The following VPS50 variants were observed in gnomAD, a reference collection of about 807,000 sequenced individuals.
VPS50 encodes VPS50 subunit of EARP/GARPII complex.
A neutral mutation model predicts 139.7 loss-of-function variants in VPS50; 70 were observed. The observed-to-expected ratio is 0.50, with a 90% CI of 0.41 to 0.61. VPS50 has a LOEUF of 0.61. Among genes scored for constraint, VPS50 ranks in the 20% least tolerant of loss-of-function variants. The pLI is 0.00. For synonymous variants in VPS50, 365 were observed against 376.7 expected, an observed-to-expected ratio of 0.97 and a Z score of 0.36; for missense variants, 921 against 1,133.7, an observed-to-expected ratio of 0.81 and a Z score of 2.69.
chr7:93,257,495 A>T, intron 6 of VPS50, 31 bp downstream of exon 6: 1 of 1,250,038 alleles, frequency 8.0e-7, no homozygotes, highest in Admixed American at 1.9e-5. Flanking sequence ...TTGTTCTTTA[A>T]GCTGAACAAT....
intron 2 of VPS50, among the ~76,000 whole-genome samples, chr7:93,250,584 A>G (rs1173643093): frequency 6.6e-6 from 1 of 152,178 alleles, no homozygotes; most frequent in Non-Finnish European, 1.5e-5. Context: ...CTAAAACTAT[A>G]AAAACCCTAG....
chr7:93,273,669 G>C (rs1184793364), intron 11 of VPS50, among the ~76,000 whole-genome samples: 2 of 152,034 alleles, frequency 1.3e-5, no homozygotes, highest in African/African-American at 4.8e-5. Context: ...TACGCACATT[G>C]CTTCAGGTGT....
chr7:93,358,566 G>T lies in VPS50; in HGVS notation c.*130G>T. ...TTGTGCATGTTTTTTTGACTGGAAA[G>T]TGGAAAATATTGAAATGTGTGTGGT... On this transcript the variant is annotated 3_prime_UTR_variant, in exon 28 of 28. Coordinates refer to ENST00000305866, the MANE Select transcript of VPS50 (RefSeq NM_017667.4). 2 of 744,642 alleles carry T rather than the reference G, an allele frequency of 2.7e-6. No homozygotes were observed. The highest frequency in any genetic ancestry group is 4.5e-6 in the Non-Finnish European group (2 of 444,828). 46.1% of individuals were successfully genotyped at this position (744,642 alleles called of 1,614,324 possible).
At chr7:93,242,100 A>C (rs1319459732) in intron 2 of VPS50, among the ~76,000 whole-genome samples, 2 of 151,932 alleles carry the variant, frequency 1.3e-5, no homozygotes, top group Admixed American at 6.6e-5. Context: ...AAAATCACAA[A>C]AATCACCAAC....
At chr7:93,233,276 T>C (rs1794693685) in intron 1 of VPS50, among the ~76,000 whole-genome samples, 1 of 152,258 alleles carries the variant, frequency 6.6e-6, no homozygotes, top group African/African-American at 2.4e-5. Flanking sequence ...TTGTTTTAGC[T>C]GCCTTTATTT....
intron 23 of VPS50, among the ~76,000 whole-genome samples, chr7:93,343,189 G>A (rs1160121945): frequency 6.6e-6 from 1 of 152,130 alleles, no homozygotes; most frequent in Non-Finnish European, 1.5e-5. Flanking sequence ...GAAGAATGCA[G>A]AAGCCTCAGG....
chr7:93,348,552 A>C (rs1268730580), intron 23 of VPS50, among the ~76,000 whole-genome samples, 159 bp from the exon 24 acceptor site: 2 of 152,076 alleles, frequency 1.3e-5, no homozygotes, highest in Admixed American at 6.5e-5. Context: ...ATTATAAATG[A>C]ACATGTCAAG....
chr7:93,345,787 CA>C (rs1280554862), intron 23 of VPS50, among the ~76,000 whole-genome samples: 1 of 152,070 alleles, frequency 6.6e-6, no homozygotes, highest in East Asian at 1.9e-4. Flanking sequence ...ACCCTTCATG[CA>C]AAAAACTCTC....
intron 4 of VPS50, among the ~76,000 whole-genome samples, chr7:93,254,192 T>C (rs1210775045): frequency 6.6e-6 from 1 of 152,248 alleles, no homozygotes; most frequent in African/African-American, 2.4e-5. Context: ...AACTTTGAAC[T>C]TTGTTTTAGA....
At chr7:93,248,814 A>G (rs1408031165) in intron 2 of VPS50, among the ~76,000 whole-genome samples, 3 of 152,174 alleles carry the variant, frequency 2.0e-5, no homozygotes, top group African/African-American at 7.2e-5. Context: ...ACAGACTGCT[A>G]GTTCAGTGGG....
rs910501843 is a variant in VPS50 at position 93,360,289 on chromosome 7, T to G, written c.*1853T>G. 6.6e-6 allele frequency: 1 copy of G among 152,094 alleles called. No individual in the cohort carries two copies. Among genetic ancestry groups the G allele is most frequent in the African/African-American group, 2.4e-5 (1 of 41,424 alleles). 9.4% of individuals were successfully genotyped at this position (152,094 alleles called of 1,614,324 possible). ...GGTAATAGGAATTGATACAAAAGAA[T>G]TACTTATCTTGTTAGAGACTCGACC... On this transcript the variant is annotated 3_prime_UTR_variant, in exon 28 of 28. Transcript: ENST00000305866.
At chr7:93,335,513 T>C (rs1798046692) in intron 22 of VPS50, among the ~76,000 whole-genome samples, 1 of 152,196 alleles carries the variant, frequency 6.6e-6, no homozygotes, top group Non-Finnish European at 1.5e-5. Flanking sequence ...TTTTGATATT[T>C]GTTTAATCCT....
intron 22 of VPS50, among the ~76,000 whole-genome samples, chr7:93,339,419 G>A (rs1798153668): frequency 6.6e-6 from 1 of 151,690 alleles, no homozygotes; most frequent in South Asian, 2.1e-4. Flanking sequence ...TAAATTTATA[G>A]GAGTAAATTA....
At chr7:93,313,682 G>C (rs1189105568) in intron 20 of VPS50, among the ~76,000 whole-genome samples, 1 of 152,130 alleles carries the variant, frequency 6.6e-6, no homozygotes, top group African/African-American at 2.4e-5. Context: ...TTTGTATGAG[G>C]ATTACTGATC....
intron 20 of VPS50, among the ~76,000 whole-genome samples, chr7:93,311,813 G>T (rs1057028224): frequency 1.3e-5 from 2 of 151,988 alleles, no homozygotes; most frequent in African/African-American, 4.8e-5. Context: ...AAATATTCAG[G>T]TTTTAGGATG....
chr7:93,305,964 A>G lies in VPS50; in HGVS notation c.1589A>G (p.His530Arg), dbSNP rs1412101408. The change falls in exon 18 of 28, where the codon CAC becomes CGC. Residue 530 changes from histidine to arginine, a missense_variant. Coordinates refer to ENST00000305866, the MANE Select transcript of VPS50 (RefSeq NM_017667.4). The stretch of plus-strand genomic sequence containing the variant: ...AATCCATTTGAAATTCAGGCCAACC[A>G]CAAAGATGAAGAAACAGAAGATGTC... ...GGNPFEIQAN[H>R]KDEETEDVLA... 1.2e-6 allele frequency: 2 copies of G among 1,612,498 alleles called. No homozygotes were observed. The highest frequency in any genetic ancestry group is 2.2e-5 in the South Asian group (2 of 91,030).
At chr7:93,313,373 A>C (rs1472674465) in intron 20 of VPS50, among the ~76,000 whole-genome samples, 1 of 152,216 alleles carries the variant, frequency 6.6e-6, no homozygotes, top group African/African-American at 2.4e-5. Context: ...TACCTTACCT[A>C]GTTCAAAAGG....
At position 93,303,094 on chromosome 7, in the gene VPS50, A is replaced by AT. The variant is rs1473930886; in HGVS notation, c.1362-360dup. ...ATTTATGATCTCATATAATCTGTAA[A>AT]TTTTTTCTTGATGTTTTAGCATCAA... On this transcript the variant is annotated intron_variant, in intron 16 of 27. Transcript: ENST00000305866. Among the ~76,000 whole-genome samples the AT allele has an allele frequency of 1.3e-4, 20 of 151,850 alleles. No homozygotes were observed. The South Asian group carries it at 2.9e-3, about 22-fold the overall frequency.
At chr7:93,253,809 C>A (rs1795406303) in intron 3 of VPS50, 51 bp from the exon 4 acceptor site, 3 of 1,087,142 alleles carry the variant, frequency 2.8e-6, no homozygotes, top group African/African-American at 1.6e-5. Context: ...TAAATGAAAC[C>A]AAATTAAACA....
Sources: allele counts gnomAD v4.1 joint callset (sites outside exome capture counted in the v4.1 genomes callset), GRCh38; gene constraint gnomAD v4.1.1; transcripts MANE v1.5; gene names NCBI Gene and HGNC (gene_info 2026-07-23, HGNC 2026-07-21).